Variants in ITPR1 observed in about 807,000 individuals in gnomAD.
ITPR1 encodes inositol 1,4,5-trisphosphate-gated calcium channel ITPR1.
ITPR1 carries 96 observed loss-of-function variants against 318.4 expected under a neutral mutation model. That is an observed-to-expected ratio of 0.30 (90% confidence interval 0.26 to 0.36). The LOEUF (loss-of-function observed/expected upper bound fraction) is 0.36. ITPR1 is among the 10% of genes least tolerant of loss of function. The pLI is 1.00. For synonymous variants in ITPR1, 1,312 were observed against 1,289.9 expected, an observed-to-expected ratio of 1.02 and a Z score of -0.37; for missense variants, 2,440 against 3,460.2, an observed-to-expected ratio of 0.71 and a Z score of 7.40.
At chr3:4,737,763 A>G (rs2043380699) in intron 44 of ITPR1, among the ~76,000 whole-genome samples, 1 of 152,218 alleles carries the variant, frequency 6.6e-6, no homozygotes, top group South Asian at 2.1e-4. Flanking sequence ...AATCTCTGAT[A>G]AAAGAGTTCA....
intron 20 of ITPR1, among the ~76,000 whole-genome samples, chr3:4,671,128 A>C (rs943993506): frequency 3.3e-5 from 5 of 152,196 alleles, no homozygotes; most frequent in African/African-American, 1.2e-4. Flanking sequence ...TGGTTCCCAA[A>C]AAGGATGAGT....
rs1022520093 is a variant in ITPR1 at position 4,751,172 on chromosome 3, A to G, written c.5545-15358A>G. 3.3e-5 allele frequency: 5 copies of G among 152,734 alleles called. No homozygotes were observed. The South Asian group carries it at 1.0e-3, about 32-fold the overall frequency. 9.5% of individuals were successfully genotyped at this position (152,734 alleles called of 1,614,324 possible). A position where few individuals can be genotyped will look rare whatever the true frequency, so the allele number is the denominator to read the frequency against. On this transcript the variant is annotated intron_variant, in intron 44 of 61. Coordinates refer to ENST00000649015, the MANE Select transcript of ITPR1 (RefSeq NM_001378452.1). ...ACGTCTCTGTCTCCTCTAGTGCGTT[A>G]TAAAATAGAACCGCAAGAAAACAAG...
chr3:4,550,329 G>T (rs187718768), intron 4 of ITPR1, among the ~76,000 whole-genome samples: 10 of 152,276 alleles, frequency 6.6e-5, no homozygotes, highest in Admixed American at 2.0e-4. Context: ...AATGGGCATT[G>T]ACCAGTCCGC....
chr3:4,662,161 A>G lies in ITPR1; in HGVS notation c.1331A>G (p.Asp444Gly). 1 of 1,613,660 alleles carries G rather than the reference A, an allele frequency of 6.2e-7. No individual in the cohort carries two copies. The highest frequency in any genetic ancestry group is 8.5e-7 in the Non-Finnish European group (1 of 1,179,650). ...PVSPAEVRDL[D>G]FANDASKVLG... is the part of the protein sequence containing the mutation. ...TCTCCTGCTGAAGTTCGGGACCTGG[A>G]CTTTGCCAATGATGCCAGCAAGGTG... Residue 444 changes from aspartate to glycine, a missense_variant, in exon 15 of 62, where the codon GAC becomes GGC. This residue lies in a region of ITPR1 where 478 missense variants were observed against 696.3 expected (regional missense o/e 0.69). Coordinates refer to ENST00000649015, the MANE Select transcript of ITPR1 (RefSeq NM_001378452.1).
chr3:4,834,317 G>T (rs910002099), intron 60 of ITPR1, among the ~76,000 whole-genome samples: 4 of 152,212 alleles, frequency 2.6e-5, no homozygotes, highest in Non-Finnish European at 5.9e-5. Flanking sequence ...AGGATGCAGT[G>T]ACCATGTCTC....
rs770283470 is a variant in ITPR1 at position 4,768,761 on chromosome 3, G to T, written c.5976G>T (p.Leu1992=). Residue 1992 remains leucine, a synonymous_variant, in exon 46 of 62, where the codon CTG becomes CTT. Transcript: ENST00000649015. ...TGTGTGAAAACCACAACCGAGACCT[G>T]CAGGTGAGGGCCTGGGGGTGGGGGC... ...QLLCENHNRD[L]QNFLRCQNNK... 27 of 1,608,878 alleles carry T rather than the reference G, an allele frequency of 1.7e-5. No individual in the cohort carries two copies. Among genetic ancestry groups the T allele is most frequent in the African/African-American group, 2.7e-5 (2 of 74,818 alleles).
At position 4,496,230 on chromosome 3, in the gene ITPR1, T is replaced by C. The variant is rs1381306600; in HGVS notation, c.-17+1724T>C. Among the ~76,000 whole-genome samples the C allele has an allele frequency of 2.0e-5, 3 of 152,256 alleles. No homozygotes were observed. The East Asian group carries it at 5.8e-4, about 29-fold the overall frequency. ...ACTGCAGTTAGACTGCAATGTGAAA[T>C]GTTGATACCTTTTCATATACCTTCC... On this transcript the variant is annotated intron_variant, in intron 2 of 61. Coordinates refer to ENST00000649015, the MANE Select transcript of ITPR1 (RefSeq NM_001378452.1).
intron 60 of ITPR1, among the ~76,000 whole-genome samples, chr3:4,829,974 TTTTTTG>T (rs1322807224): frequency 6.5e-5 from 7 of 108,454 alleles, no homozygotes; most frequent in East Asian, 2.8e-4. Flanking sequence ...TTTTTTTTTT[TTTTTTG>T]TGTGTGTGTG....
At chr3:4,555,782 A>C (rs1304465816) in intron 4 of ITPR1, among the ~76,000 whole-genome samples, 1 of 152,212 alleles carries the variant, frequency 6.6e-6, no homozygotes, top group African/African-American at 2.4e-5. Flanking sequence ...TACAGCTCTT[A>C]CTTTTGTGCC....
intron 4 of ITPR1, among the ~76,000 whole-genome samples, chr3:4,573,591 T>C (rs1355726940): frequency 2.0e-5 from 3 of 152,258 alleles, no homozygotes; most frequent in Non-Finnish European, 4.4e-5. Flanking sequence ...TTATAATGTC[T>C]TAAAAATTCT....
Position 4,639,270 on chromosome 3 carries a change from A to G in ITPR1, c.280-114A>G, listed in dbSNP as rs890383125. The G allele has an allele frequency of 4.0e-5, 31 of 768,728 alleles. No homozygotes were observed. In the Admixed American group the frequency reaches 5.7e-4, roughly 14 times the overall value. The allele number at this position is 768,728 out of a possible 1,614,324, so 47.6% of individuals were successfully genotyped here. A position where few individuals can be genotyped will look rare whatever the true frequency, so the allele number is the denominator to read the frequency against. ...GAAGCCTCAGGGTGTGTCCTCAGGG[A>G]TTTGCGTATTTCGGTGGTTCTTGTA... On this transcript the variant is annotated intron_variant, in intron 5 of 61. Coordinates refer to ENST00000649015, the MANE Select transcript of ITPR1 (RefSeq NM_001378452.1).
chr3:4,597,940 A>G (rs2090975656), intron 4 of ITPR1, among the ~76,000 whole-genome samples: 1 of 152,196 alleles, frequency 6.6e-6, no homozygotes, highest in Non-Finnish European at 1.5e-5. Flanking sequence ...TAGGAGGCAG[A>G]TAGTATTAGA....
intron 7 of ITPR1, among the ~76,000 whole-genome samples, chr3:4,643,640 TATTATA>T (rs917717662): frequency 2.6e-5 from 4 of 151,978 alleles, no homozygotes; most frequent in African/African-American, 9.7e-5. Flanking sequence ...ATATATATAG[TATTATA>T]ATTATAGAAA....
chr3:4,766,608 GC>G lies in ITPR1; in HGVS notation c.5626del (p.Gln1876SerfsTer8). The G allele has an allele frequency of 6.2e-7, 1 of 1,613,734 alleles. No individual in the cohort carries two copies. The highest frequency in any genetic ancestry group is 8.5e-7 in the Non-Finnish European group (1 of 1,179,726). ...GGTGTTTTATGACCGGATGAAGGTGGCCCAGCAAGAAATCAAAGCAACAGTG... is the reference window on the plus strand; with the variant it reads ...GGTGTTTTATGACCGGATGAAGGTGGCCAGCAAGAAATCAAAGCAACAGTG... ...FKVFYDRMKVAQQEIKATVTV... is the reference protein window; with the variant it reads ...FKVFYDRMKVXQQEIKATVTV... On this transcript the variant is annotated frameshift_variant, in exon 45 of 62. Coordinates refer to ENST00000649015, the MANE Select transcript of ITPR1 (RefSeq NM_001378452.1). LOFTEE classifies it high-confidence loss of function.
chr3:4,845,685 G>A (rs1336010793), intron 61 of ITPR1, among the ~76,000 whole-genome samples: 4 of 152,018 alleles, frequency 2.6e-5, no homozygotes, highest in Admixed American at 1.3e-4. Context: ...CTACTCAAGA[G>A]TCATTGAAGA....
At chr3:4,648,858 A>T (rs898121605) in intron 10 of ITPR1, among the ~76,000 whole-genome samples, 10 of 152,186 alleles carry the variant, frequency 6.6e-5, no homozygotes, top group Admixed American at 6.5e-4. Context: ...GCTTACTCTA[A>T]ATTTGCATTG....
At chr3:4,777,824 T>C (rs534551412) in intron 48 of ITPR1, among the ~76,000 whole-genome samples, 1 of 152,186 alleles carries the variant, frequency 6.6e-6, no homozygotes, top group Non-Finnish European at 1.5e-5. Context: ...ACATGTATTT[T>C]TACTTAATCA....
intron 44 of ITPR1, among the ~76,000 whole-genome samples, chr3:4,740,518 G>T (rs1027941906): frequency 2.2e-4 from 33 of 152,114 alleles, no homozygotes; most frequent in Non-Finnish European, 4.4e-4. Context: ...TCTCATGGAG[G>T]GTTTGCTCCC....
intron 37 of ITPR1, among the ~76,000 whole-genome samples, chr3:4,706,842 C>A (rs1381283039): frequency 1.3e-5 from 2 of 152,170 alleles, no homozygotes; most frequent in Non-Finnish European, 2.9e-5. Flanking sequence ...CATCTGCTCT[C>A]CTTTTGTTAA....
Sources: gnomAD v4.1 joint callset for allele counts (sites outside exome capture counted in the v4.1 genomes callset) on GRCh38, gnomAD v4.1.1 for gene constraint, gnomAD v4.1.1 regional missense constraint, MANE v1.5 for transcripts, NCBI Gene and HGNC (gene_info 2026-07-23, HGNC 2026-07-21) for gene names.